The following ECRG4 variants were observed in gnomAD, a reference collection of about 807,000 sequenced individuals.
The protein encoded by ECRG4 is ECRG4 augurin precursor.
ECRG4 carries 18 observed loss-of-function variants against 15.8 expected under a neutral mutation model. That is an observed-to-expected ratio of 1.14 (90% CI 0.79 to 1.69). The LOEUF is 1.69. Ranked by LOEUF, ECRG4 falls within the 40% of genes most tolerant of loss-of-function variation. The probability of loss-of-function intolerance (pLI) is 0.00; values close to 1 mark genes in which losing one functional copy is unlikely to be tolerated. For synonymous variants in ECRG4, 82 were observed against 73.9 expected (o/e 1.11, Z -0.56); for missense variants, 200 against 190.9 (o/e 1.05, Z -0.28).
chr2:106,067,059 C>CGGGGCGGGGGGGGG (rs1207345148), intron 1 of ECRG4, among the ~76,000 whole-genome samples: 8 of 4,260 alleles, frequency 1.9e-3, no homozygotes, highest in Non-Finnish European at 2.8e-3. Context: ...TTTGGGAGGC[C>CGGGGCGGGGGGGGG]GGGGGGGGGG....
chr2:106,066,665 A>G (rs1676222303), intron 1 of ECRG4, among the ~76,000 whole-genome samples: 1 of 152,198 alleles, frequency 6.6e-6, no homozygotes, highest in Non-Finnish European at 1.5e-5. Context: ...TGGTGTATGA[A>G]GTGACTTGCC....
At chr2:106,070,498 A>G (rs1290083552) in intron 1 of ECRG4, among the ~76,000 whole-genome samples, 1 of 152,232 alleles carries the variant, frequency 6.6e-6, no homozygotes, top group African/African-American at 2.4e-5. Flanking sequence ...AAATTTGTAG[A>G]CACTGGGTAT....
intron 3 of ECRG4, among the ~76,000 whole-genome samples, chr2:106,076,102 G>A (rs1313160693): frequency 6.6e-6 from 1 of 152,172 alleles, no homozygotes; most frequent in Non-Finnish European, 1.5e-5. Context: ...GATCACCTGA[G>A]GTCAGGAGTT....
At chr2:106,067,058 CCGGGG>C (rs1197791534) in intron 1 of ECRG4, among the ~76,000 whole-genome samples, 3 of 3,398 alleles carry the variant, frequency 8.8e-4, no homozygotes, top group African/African-American at 5.2e-3. Flanking sequence ...CTTTGGGAGG[CCGGGG>C]GGGGGGGGGG....
upstream of ECRG4, among the ~76,000 whole-genome samples, chr2:106,063,811 A>G (rs1275350257): frequency 6.6e-6 from 1 of 152,112 alleles, no homozygotes. Flanking sequence ...CAAACTCCTG[A>G]CCTCAAGTGA....
chr2:106,070,414 G>A (rs1379851312), intron 1 of ECRG4, among the ~76,000 whole-genome samples: 1 of 152,212 alleles, frequency 6.6e-6, no homozygotes, highest in Non-Finnish European at 1.5e-5. Context: ...TGCTACAGGA[G>A]GCTAGTAGGT....
intron 2 of ECRG4, 181 bp from the exon 3 acceptor site, chr2:106,073,705 G>A: frequency 1.4e-6 from 1 of 729,294 alleles, no homozygotes; most frequent in Non-Finnish European, 2.3e-6. Context: ...TTACTAACAG[G>A]AAGCATGGTG....
At chr2:106,073,559 G>A (rs1676416227) in intron 2 of ECRG4, among the ~76,000 whole-genome samples, 1 of 152,228 alleles carries the variant, frequency 6.6e-6, no homozygotes, top group African/African-American at 2.4e-5. Context: ...TGAGGGGTGG[G>A]CCATTTGCCC....
upstream of ECRG4, among the ~76,000 whole-genome samples, chr2:106,065,499 C>A (rs1307944176): frequency 6.6e-6 from 1 of 151,904 alleles, no homozygotes; most frequent in Admixed American, 6.5e-5. Flanking sequence ...CGTGGCCAAG[C>A]ATCCTTGGCC....
At chr2:106,063,485 G>A (rs2377446), upstream of ECRG4, 30,700 of 152,220 alleles carry the variant, frequency 0.2, 3,425 homozygotes, top group African/African-American at 0.29. Context: ...CTGACATAGT[G>A]TCTCCAGGCT....
At chr2:106,074,287 C>T (rs1250761192) in intron 3 of ECRG4, 15 of 475,400 alleles carry the variant, frequency 3.2e-5, no homozygotes, top group Non-Finnish European at 5.3e-5. Flanking sequence ...TGAACCAAAA[C>T]AGCGGGGACC....
At position 106,071,735 on chromosome 2, in the gene ECRG4, A is replaced by C. The variant is rs983115622; in HGVS notation, c.80-109A>C. 6.8e-5 allele frequency: 56 copies of C among 821,264 alleles called. 1 individual carries two copies. The highest frequency in any genetic ancestry group is 5.2e-5 in the Non-Finnish European group (26 of 503,344). 50.9% of individuals were successfully genotyped at this position (821,264 alleles called of 1,614,324 possible). On this transcript the variant is annotated intron_variant, in intron 1 of 3. Coordinates refer to ENST00000238044, the MANE Select transcript of ECRG4 (RefSeq NM_032411.3). ...AATACTGTGATGTTACCAAGTTGCCAAATCAAGGCAGGGGCCCGCAGTTCT... is the reference window on the plus strand; with the variant it reads ...AATACTGTGATGTTACCAAGTTGCCCAATCAAGGCAGGGGCCCGCAGTTCT...
Position 106,078,002 on chromosome 2 carries a change from G to C in ECRG4, c.*76G>C. The C allele has an allele frequency of 1.4e-6, 2 of 1,396,174 alleles. No homozygotes were observed. Among genetic ancestry groups the C allele is most frequent in the Non-Finnish European group, 1.9e-6 (2 of 1,041,164 alleles). 86.5% of individuals were successfully genotyped at this position (1,396,174 alleles called of 1,614,324 possible). On this transcript the variant is annotated 3_prime_UTR_variant, in exon 4 of 4. Transcript: ENST00000238044. Reference sequence around the variant, plus strand: ...TATCTCCTAATGCCTTACACTACTTGGTTTCTGATTTGCTCTATTTCAGCA... The same window carrying C: ...TATCTCCTAATGCCTTACACTACTTCGTTTCTGATTTGCTCTATTTCAGCA...
Position 106,077,933 on chromosome 2 carries a change from C to T in ECRG4, c.*7C>T, listed in dbSNP as rs1676520163. 2 of 1,613,414 alleles carry T rather than the reference C, an allele frequency of 1.2e-6. No homozygotes were observed. Among genetic ancestry groups the T allele is most frequent in the South Asian group, 1.1e-5 (1 of 90,960 alleles). On this transcript the variant is annotated 3_prime_UTR_variant, in exon 4 of 4. Coordinates refer to ENST00000238044, the MANE Select transcript of ECRG4 (RefSeq NM_032411.3). The stretch of plus-strand genomic sequence containing the variant: ...CAACTACGATGACTACTAACCATGA[C>T]TTGCCACACGCTGTACAAGAAGCAA...
intron 3 of ECRG4, 68 bp downstream of exon 3, chr2:106,074,111 G>C (rs572741993): frequency 1.3e-6 from 2 of 1,566,868 alleles, no homozygotes; most frequent in Non-Finnish European, 1.7e-6. Context: ...GGCCTGGCTC[G>C]GGGAAATAGG....
Position 106,071,901 on chromosome 2 carries a change from C to T in ECRG4, c.127+10C>T, listed in dbSNP as rs764477026. On this transcript the variant is annotated intron_variant, in intron 2 of 3. Transcript: ENST00000238044. ...CTTCAAAAACGAGAAGGTAAATATA[C>T]CCCAAATGGATAAGGGATGCATTCT... The T allele has an allele frequency of 6.2e-7, 1 of 1,608,036 alleles. No individual in the cohort carries two copies. The highest frequency in any genetic ancestry group is 2.2e-5 in the East Asian group (1 of 44,848).
At chr2:106,068,064 C>T (rs12994904) in intron 1 of ECRG4, among the ~76,000 whole-genome samples, 26,846 of 151,104 alleles carry the variant, frequency 0.18, 2,652 homozygotes, top group Non-Finnish European at 0.19. Flanking sequence ...AGGCTGGTCT[C>T]GAACTCCTGG....
Position 106,077,997 on chromosome 2 carries a change from T to C in ECRG4, c.*71T>C, listed in dbSNP as rs2104801386. On this transcript the variant is annotated 3_prime_UTR_variant, in exon 4 of 4. Coordinates refer to ENST00000238044, the MANE Select transcript of ECRG4 (RefSeq NM_032411.3). ...TCATGTATCTCCTAATGCCTTACAC[T>C]ACTTGGTTTCTGATTTGCTCTATTT... 7.0e-7 allele frequency: 1 copy of C among 1,419,474 alleles called. No individual in the cohort carries two copies. Among genetic ancestry groups the C allele is most frequent in the Middle Eastern group, 1.8e-4 (1 of 5,440 alleles). 87.9% of individuals were successfully genotyped at this position (1,419,474 alleles called of 1,614,324 possible).
chr2:106,078,136 G>T lies in ECRG4; in HGVS notation c.*210G>T. ...CCTCTCATTTAAAAATAGAAATAAAGCATTTTGTTAAAAAGAAAAGTCTTA... is the reference window on the plus strand; with the variant it reads ...CCTCTCATTTAAAAATAGAAATAAATCATTTTGTTAAAAAGAAAAGTCTTA... On this transcript the variant is annotated 3_prime_UTR_variant, in exon 4 of 4. Coordinates refer to ENST00000238044, the MANE Select transcript of ECRG4 (RefSeq NM_032411.3). 1 of 428,108 alleles carries T rather than the reference G, an allele frequency of 2.3e-6. No individual in the cohort carries two copies. The highest frequency in any genetic ancestry group is 4.1e-5 in the Admixed American group (1 of 24,168). 26.5% of individuals were successfully genotyped at this position (428,108 alleles called of 1,614,324 possible).
Sources: gnomAD v4.1 joint callset for allele counts (sites outside exome capture counted in the v4.1 genomes callset) on GRCh38, gnomAD v4.1.1 for gene constraint, MANE v1.5 for transcripts, NCBI Gene and HGNC (gene_info 2026-07-23, HGNC 2026-07-21) for gene names.